MLXIP: variants seen among roughly 807,000 people sequenced by gnomAD.
MLXIP encodes MLX-interacting protein.
A neutral mutation model predicts 87.2 loss-of-function variants in MLXIP; 30 were observed. The ratio of observed to expected loss-of-function variants is 0.34; its 90% CI spans 0.26 to 0.47. The LOEUF (loss-of-function observed/expected upper bound fraction) is 0.47, where lower values mean the gene tolerates loss of function less well. Among genes scored for constraint, MLXIP ranks in the 20% least tolerant of loss-of-function variants. The pLI, the probability that MLXIP is intolerant of heterozygous loss-of-function variation, is 1.00. For missense variants in MLXIP, 1,002 were observed against 1,240.1 expected (o/e 0.81, Z 2.88); for synonymous variants, 530 against 514.0 (o/e 1.03, Z -0.42).
At chr12:122,138,138 GGTGGACAGT>G in intron 12 of MLXIP, 47 bp from the exon 13 acceptor site, 1 of 1,461,556 alleles carries the variant, frequency 6.8e-7, no homozygotes, top group Non-Finnish European at 9.3e-7. Context: ...GGTGAGGAAG[GGTGGACAGT>G]GTGCCTGCAA....
intron 1 of MLXIP, among the ~76,000 whole-genome samples, chr12:122,096,456 A>G (rs1198923727): frequency 6.6e-6 from 1 of 151,986 alleles, no homozygotes; most frequent in Non-Finnish European, 1.5e-5. Context: ...TCCTGATAGG[A>G]GCCTTTACCC....
chr12:122,125,319 G>A (rs966392059), intron 1 of MLXIP, among the ~76,000 whole-genome samples: 3 of 138,004 alleles, frequency 2.2e-5, no homozygotes, highest in East Asian at 2.1e-4. Flanking sequence ...GCAACAGAGC[G>A]AGACTCCATC....
chr12:122,138,683 A>G (rs930120497), intron 14 of MLXIP, 132 bp downstream of exon 14: 19 of 1,490,200 alleles, frequency 1.3e-5, no homozygotes, highest in African/African-American at 9.8e-5. Context: ...CTCTTTGTCA[A>G]CCTCCTTCCA....
At chr12:122,118,405 C>T (rs867940914) in intron 1 of MLXIP, among the ~76,000 whole-genome samples, 14 of 152,298 alleles carry the variant, frequency 9.2e-5, no homozygotes, top group Middle Eastern at 6.8e-3. Flanking sequence ...AGTGAACACT[C>T]CTTCTCACTG....
At chr12:122,122,471 C>G (rs1047888098) in intron 1 of MLXIP, among the ~76,000 whole-genome samples, 2 of 152,206 alleles carry the variant, frequency 1.3e-5, no homozygotes, top group Non-Finnish European at 2.9e-5. Flanking sequence ...TCCAGGGATC[C>G]TCCCACCTCA....
chr12:122,104,737 G>C (rs935815825), intron 1 of MLXIP, among the ~76,000 whole-genome samples: 1 of 151,772 alleles, frequency 6.6e-6, no homozygotes, highest in Non-Finnish European at 1.5e-5. Flanking sequence ...CCGCCACCAC[G>C]CCCAGCTAAT....
At chr12:122,140,584 G>A (rs7485549) in intron 15 of MLXIP, among the ~76,000 whole-genome samples, 9,579 of 152,148 alleles carry the variant, frequency 0.063, 919 homozygotes, top group African/African-American at 0.21. Flanking sequence ...GTGAGCCACC[G>A]CGCCCGGCTG....
Position 122,142,320 on chromosome 12 carries a change from AC to A in MLXIP, c.*509del. Reference sequence around the variant, plus strand: ...GTCTTTCTTTCTCCCCTCAACTCTGACAGCACCCAGCCCTTGTGGATGGACT... The same window carrying A: ...GTCTTTCTTTCTCCCCTCAACTCTGAAGCACCCAGCCCTTGTGGATGGACT... On this transcript the variant is annotated 3_prime_UTR_variant, in exon 17 of 17. Coordinates refer to ENST00000319080, the MANE Select transcript of MLXIP (RefSeq NM_014938.6). 1.6e-6 allele frequency: 1 copy of A among 641,832 alleles called. No individual in the cohort carries two copies. Among genetic ancestry groups the A allele is most frequent in the Admixed American group, 2.1e-5 (1 of 48,040 alleles). The allele number at this position is 641,832 out of a possible 1,614,324, so 39.8% of individuals were successfully genotyped here. A position where few individuals can be genotyped will look rare whatever the true frequency, so the allele number is the denominator to read the frequency against.
chr12:122,129,935 T>G lies in MLXIP; in HGVS notation c.739-6T>G. Reference sequence around the variant, plus strand: ...TGCTTCCTCCCCTGTGTTGGTGTTGTGTTAGGACGATGACATGCTGTATTG... The same window carrying G: ...TGCTTCCTCCCCTGTGTTGGTGTTGGGTTAGGACGATGACATGCTGTATTG... On this transcript the variant is annotated splice_polypyrimidine_tract_variant and splice_region_variant and intron_variant, in intron 5 of 16. Transcript: ENST00000319080. 1 of 1,609,986 alleles carries G rather than the reference T, an allele frequency of 6.2e-7. No individual in the cohort carries two copies. Among genetic ancestry groups the G allele is most frequent in the Non-Finnish European group, 8.5e-7 (1 of 1,177,336 alleles).
At chr12:122,115,463 C>A (rs1487747456) in intron 1 of MLXIP, among the ~76,000 whole-genome samples, 2 of 151,598 alleles carry the variant, frequency 1.3e-5, no homozygotes, top group Non-Finnish European at 2.9e-5. Flanking sequence ...GTAGCGGGCA[C>A]CTGTCATCCC....
intron 1 of MLXIP, among the ~76,000 whole-genome samples, chr12:122,102,428 G>T (rs963090351): frequency 6.6e-6 from 1 of 152,164 alleles, no homozygotes; most frequent in Non-Finnish European, 1.5e-5. Context: ...GTGTGGGAGA[G>T]CATCGAGATC....
At chr12:122,089,575 G>A (rs1201164985) in intron 1 of MLXIP, among the ~76,000 whole-genome samples, 5 of 151,954 alleles carry the variant, frequency 3.3e-5, no homozygotes, top group Admixed American at 3.3e-4. Flanking sequence ...TTCTGTAAGT[G>A]TAATTTACAT....
At position 122,140,922 on chromosome 12, in the gene MLXIP, G is replaced by A. The variant is rs769091487; in HGVS notation, c.2509-32G>A. On this transcript the variant is annotated intron_variant, in intron 15 of 16. Transcript: ENST00000319080. ...GGTCTGCAGTCCCCAGCCCCTCTCC[G>A]TGCTTGCCTTTTCTTTAACCACACA... The A allele has an allele frequency of 2.5e-5, 40 of 1,613,746 alleles. 1 individual carries two copies. Among genetic ancestry groups the A allele is most frequent in the East Asian group, 2.2e-4 (10 of 44,888 alleles).
chr12:122,140,289 C>T (rs903398619), intron 15 of MLXIP, among the ~76,000 whole-genome samples: 1 of 151,988 alleles, frequency 6.6e-6, no homozygotes, highest in Non-Finnish European at 1.5e-5. Context: ...TGGCTCCTGC[C>T]TTTATTTATT....
chr12:122,094,825 T>G (rs1399719586), intron 1 of MLXIP, among the ~76,000 whole-genome samples: 10 of 144,206 alleles, frequency 6.9e-5, no homozygotes, highest in South Asian at 2.3e-4. Flanking sequence ...TGTGTGTTGG[T>G]GTGTGTGGGG....
chr12:122,094,811 GGT>G (rs1244286722), intron 1 of MLXIP, among the ~76,000 whole-genome samples: 6 of 146,086 alleles, frequency 4.1e-5, no homozygotes, highest in South Asian at 2.2e-4. Flanking sequence ...GTGGTGTGTT[GGT>G]GTGTGTGTTG....
chr12:122,128,064 C>T lies in MLXIP; in HGVS notation c.606+96C>T, dbSNP rs1392784329. ...GGGCTGGTCCTGTAGGAGAGGCTGC[C>T]GAGGGTAGTGCAGCGCCTGCCCTGC... is the stretch of plus-strand genomic sequence containing the variant. On this transcript the variant is annotated intron_variant, in intron 3 of 16. Coordinates refer to ENST00000319080, the MANE Select transcript of MLXIP (RefSeq NM_014938.6). 23 of 1,111,972 alleles carry T rather than the reference C, an allele frequency of 2.1e-5. No homozygotes were observed. The Middle Eastern group carries it at 6.0e-4, about 29-fold the overall frequency. 68.9% of individuals were successfully genotyped at this position (1,111,972 alleles called of 1,614,324 possible).
At chr12:122,114,320 G>A (rs888154208) in intron 1 of MLXIP, among the ~76,000 whole-genome samples, 6 of 152,124 alleles carry the variant, frequency 3.9e-5, no homozygotes, top group African/African-American at 1.4e-4. Flanking sequence ...ATGCAAGTTG[G>A]GGAGTTCCCA....
chr12:122,127,963 C>A lies in MLXIP; in HGVS notation c.601C>A (p.Pro201Thr). The change falls in exon 3 of 17, where the codon CCG becomes ACG. Residue 201 changes from proline to threonine, a missense_variant. By Grantham distance (38) the Pro-to-Thr change is conservative. Around this residue, in one of 3 missense-constraint regions of MLXIP, gnomAD observed 127 missense variants for 239.0 expected, o/e 0.53. Transcript: ENST00000319080. ...GSVDVDEHRRPEAITTEGKYW... is the reference protein window; with the variant it reads ...GSVDVDEHRRTEAITTEGKYW... ...TGTGGACGTAGACGAGCACCGCCGG[C>A]CGGAGGTACTTGGCAGTGACCAAGG... is the stretch of plus-strand genomic sequence containing the variant. The A allele has an allele frequency of 6.2e-7, 1 of 1,613,324 alleles. No homozygotes were observed. Among genetic ancestry groups the A allele is most frequent in the Non-Finnish European group, 8.5e-7 (1 of 1,179,632 alleles).
Sources: allele counts gnomAD v4.1 joint callset (sites outside exome capture counted in the v4.1 genomes callset), GRCh38; gene constraint gnomAD v4.1.1; regional missense constraint gnomAD v4.1.1; transcripts MANE v1.5; gene names NCBI Gene and HGNC (gene_info 2026-07-23, HGNC 2026-07-21).